CLEC16A: variants seen among roughly 807,000 people sequenced by gnomAD.
CLEC16A encodes the protein C-type lectin domain containing 16A.
Under a neutral mutation model 109.5 loss-of-function variants are expected in CLEC16A, and 51 were observed. That is an observed-to-expected ratio of 0.47 (90% CI 0.37 to 0.59). CLEC16A has a LOEUF of 0.59. Among genes scored for constraint, CLEC16A ranks in the 20% least tolerant of loss-of-function variants. CLEC16A has a pLI of 0.00. For synonymous variants in CLEC16A, 673 were observed against 564.2 expected, an observed-to-expected ratio of 1.19 and a Z score of -2.73; for missense variants, 1,339 against 1,394.0, an observed-to-expected ratio of 0.96 and a Z score of 0.63.
chr16:11,082,205 T>A (rs2049763011), intron 19 of CLEC16A, among the ~76,000 whole-genome samples: 1 of 152,228 alleles, frequency 6.6e-6, no homozygotes, highest in Non-Finnish European at 1.5e-5. Flanking sequence ...CACGTGAGTG[T>A]GTGCATGTGT....
intron 18 of CLEC16A, among the ~76,000 whole-genome samples, chr16:11,059,163 A>T (rs1373363218): frequency 1.3e-5 from 2 of 152,236 alleles, no homozygotes; most frequent in South Asian, 2.1e-4. Flanking sequence ...TCAAGTTACA[A>T]TAAGGTGCCC....
chr16:11,058,346 T>G (rs1008731056), intron 18 of CLEC16A, among the ~76,000 whole-genome samples: 3 of 152,262 alleles, frequency 2.0e-5, no homozygotes, highest in Admixed American at 1.3e-4. Context: ...AAGTCCCTTA[T>G]ATAAACGGCG....
intron 18 of CLEC16A, among the ~76,000 whole-genome samples, chr16:11,059,183 G>T (rs1287435650): frequency 6.6e-6 from 1 of 152,138 alleles, no homozygotes; most frequent in Non-Finnish European, 1.5e-5. Context: ...CACAGTTCCT[G>T]CCACCCCGTA....
rs966445386 is a variant in CLEC16A, at chr16:11,168,568, G to A, written c.2806+2016G>A. 2.0e-5 allele frequency among the ~76,000 whole-genome samples: 3 copies of A among 152,192 alleles called. No homozygotes were observed. The South Asian group carries it at 6.2e-4, about 32-fold the overall frequency. ...AGGGCCATGCCCGGTGGGCAGCCTG[G>A]GCTTTACTCTTACAGATGCCTCAGG... On this transcript the variant is annotated intron_variant, in intron 23 of 23. Transcript: ENST00000409790.
intron 22 of CLEC16A, 132 bp downstream of exon 22, chr16:11,126,278 T>C (rs1466190284): frequency 6.4e-7 from 1 of 1,550,634 alleles, no homozygotes; most frequent in Non-Finnish European, 8.7e-7. Context: ...ACCAGCTTCT[T>C]AGAATTTGTC....
At chr16:11,129,880 A>C (rs567310190) in intron 22 of CLEC16A, among the ~76,000 whole-genome samples, 19 of 150,718 alleles carry the variant, frequency 1.3e-4, no homozygotes, top group Admixed American at 6.7e-4. Context: ...CTCCTGCCTC[A>C]GCCTCCCTAG....
chr16:11,135,384 A>G (rs1340295770), intron 22 of CLEC16A, among the ~76,000 whole-genome samples: 4 of 152,188 alleles, frequency 2.6e-5, no homozygotes, highest in African/African-American at 4.8e-5. Context: ...CCCACTCACA[A>G]CATGCCCCCC....
rs370954871 is a variant in CLEC16A, at chr16:11,105,267, A to G, written c.2117-15348A>G. ...GGGGATATGCCAGACTGTACTTGGA[A>G]CTGCTGCTCCCTTGGACTCGGTTTC... On this transcript the variant is annotated intron_variant, in intron 19 of 23. Coordinates refer to ENST00000409790, the MANE Select transcript of CLEC16A (RefSeq NM_015226.3). Among the ~76,000 whole-genome samples, 12 of 152,210 alleles carry G rather than the reference A, an allele frequency of 7.9e-5. No homozygotes were observed. In the South Asian group the frequency reaches 1.2e-3, roughly 16 times the overall value.
chr16:11,164,551 C>G (rs1165279122), intron 22 of CLEC16A, among the ~76,000 whole-genome samples: 1 of 152,212 alleles, frequency 6.6e-6, no homozygotes, highest in Non-Finnish European at 1.5e-5. Flanking sequence ...GGTTAAATCC[C>G]AGGCTTCCCT....
intron 10 of CLEC16A, among the ~76,000 whole-genome samples, chr16:11,001,103 T>A (rs139053546): frequency 0.014 from 2,160 of 152,238 alleles, 50 homozygotes; most frequent in African/African-American, 0.048. Flanking sequence ...CTTTTTTTTT[T>A]ATTTTCTTTT....
intron 10 of CLEC16A, among the ~76,000 whole-genome samples, chr16:10,986,039 TTTTTTTTTTG>T: frequency 1.0e-5 from 1 of 96,808 alleles, no homozygotes; most frequent in African/African-American, 4.5e-5. Flanking sequence ...TTTTTTTTTT[TTTTTTTTTTG>T]AGACTGAGTC....
chr16:11,052,013 G>A (rs977926258), intron 18 of CLEC16A, among the ~76,000 whole-genome samples: 2 of 152,240 alleles, frequency 1.3e-5, no homozygotes, highest in South Asian at 2.1e-4. Context: ...GTAGCCCAGC[G>A]GTCTCAGGAC....
chr16:11,002,825 A>G (rs537284772), intron 10 of CLEC16A, among the ~76,000 whole-genome samples: 127 of 152,240 alleles, frequency 8.3e-4, no homozygotes, highest in Non-Finnish European at 1.4e-3. Flanking sequence ...TTAGTGCTGA[A>G]TACTATGCCA....
chr16:11,017,099 G>A (rs1258369245), intron 11 of CLEC16A, among the ~76,000 whole-genome samples: 3 of 152,032 alleles, frequency 2.0e-5, no homozygotes, highest in East Asian at 1.9e-4. Flanking sequence ...ATCTCCCCAC[G>A]AGAACACTTT....
At position 11,140,775 on chromosome 16, in the gene CLEC16A, A is replaced by G. The variant is rs192233739; in HGVS notation, c.2641+14629A>G. 1.2e-4 allele frequency among the ~76,000 whole-genome samples: 19 copies of G among 152,308 alleles called. No homozygotes were observed. In the East Asian group the frequency reaches 1.7e-3, roughly 14 times the overall value. On this transcript the variant is annotated intron_variant, in intron 22 of 23. Coordinates refer to ENST00000409790, the MANE Select transcript of CLEC16A (RefSeq NM_015226.3). ...AACTGTGCCACAGCCCTGCCGAGGA[A>G]GCCATTGCAATCAAGAGGCTAGGGC... is the stretch of plus-strand genomic sequence containing the variant.
intron 10 of CLEC16A, among the ~76,000 whole-genome samples, chr16:10,993,523 A>G (rs976762988): frequency 6.6e-6 from 1 of 152,356 alleles, no homozygotes. Flanking sequence ...TTGGGATTGC[A>G]GGTGACTAGC....
rs1484345542 is a variant in CLEC16A at position 11,180,214 on chromosome 16, A to T, written c.*1524A>T. The stretch of plus-strand genomic sequence containing the variant: ...CTCGGCCCAGCCAGCTGTCCCGGCA[A>T]GGCCTGCCGAGGGCAGTTTTCAACC... On this transcript the variant is annotated 3_prime_UTR_variant, in exon 24 of 24. Transcript: ENST00000409790. 6.6e-6 allele frequency: 1 copy of T among 152,390 alleles called. No homozygotes were observed. Among genetic ancestry groups the T allele is most frequent in the African/African-American group, 2.4e-5 (1 of 41,472 alleles). 9.4% of individuals were successfully genotyped at this position (152,390 alleles called of 1,614,324 possible). A position where few individuals can be genotyped will look rare whatever the true frequency, so the allele number is the denominator to read the frequency against.
rs538713695 is a variant in CLEC16A at position 11,106,456 on chromosome 16, AT to A, written c.2117-14138del. Reference sequence around the variant, plus strand: ...GGTGTGAGCCACCACACCCAGCCCAATTTTTTTTTTTTTTTTTTTTTAGATG... The same window carrying A: ...GGTGTGAGCCACCACACCCAGCCCAATTTTTTTTTTTTTTTTTTTTAGATG... On this transcript the variant is annotated intron_variant, in intron 19 of 23. Coordinates refer to ENST00000409790, the MANE Select transcript of CLEC16A (RefSeq NM_015226.3). Among the ~76,000 whole-genome samples the A allele has an allele frequency of 3.0e-3, 407 of 133,510 alleles. 2 individuals are homozygous for A. The highest frequency in any genetic ancestry group is 3.9e-3 in the Middle Eastern group (1 of 256). 87.6% of individuals were successfully genotyped at this position (133,510 alleles called of 152,430 possible). A position where few individuals can be genotyped will look rare whatever the true frequency, so the allele number is the denominator to read the frequency against.
chr16:11,125,074 G>A (rs1488967067), intron 21 of CLEC16A, among the ~76,000 whole-genome samples: 2 of 152,160 alleles, frequency 1.3e-5, no homozygotes, highest in African/African-American at 4.8e-5. Context: ...AGGAGACGGG[G>A]TGAGACCCTG....
Sources: gnomAD v4.1 joint callset for allele counts (sites outside exome capture counted in the v4.1 genomes callset) on GRCh38, gnomAD v4.1.1 for gene constraint, MANE v1.5 for transcripts, NCBI Gene and HGNC (gene_info 2026-07-23, HGNC 2026-07-21) for gene names.